The following MARCHF1 variants were observed in gnomAD, a reference collection of about 807,000 sequenced individuals.
MARCHF1 encodes membrane associated ring-CH-type finger 1.
MARCHF1 carries 40 observed loss-of-function variants against 54.2 expected under a neutral mutation model. That is an observed-to-expected ratio of 0.74 (90% CI 0.57 to 0.96). MARCHF1 has a LOEUF of 0.96. Among genes scored for constraint, MARCHF1 ranks in the 40% least tolerant of loss-of-function variants. The probability of loss-of-function intolerance (pLI) is 0.00; values close to 1 mark genes in which losing one functional copy is unlikely to be tolerated. For synonymous variants in MARCHF1, 236 were observed against 236.3 expected, an observed-to-expected ratio of 1.00 and a Z score of 0.01; for missense variants, 586 against 656.5, an observed-to-expected ratio of 0.89 and a Z score of 1.17.
chr4:163,904,520 G>A (rs966290072), intron 3 of MARCHF1, among the ~76,000 whole-genome samples: 1 of 152,176 alleles, frequency 6.6e-6, no homozygotes, highest in Non-Finnish European at 1.5e-5. Flanking sequence ...CAGCCATCAG[G>A]AAGGTCTAAC....
At chr4:164,086,328 A>G (rs1755191143) in intron 2 of MARCHF1, among the ~76,000 whole-genome samples, 1 of 151,888 alleles carries the variant, frequency 6.6e-6, no homozygotes, top group South Asian at 2.1e-4. Flanking sequence ...TTATCATTAG[A>G]AAAAAACTGT....
chr4:163,535,414 A>T (rs1430610791), intron 9 of MARCHF1, among the ~76,000 whole-genome samples: 1 of 152,046 alleles, frequency 6.6e-6, no homozygotes, highest in Non-Finnish European at 1.5e-5. Flanking sequence ...GCCAAAGGTG[A>T]GCTTATTACC....
intron 4 of MARCHF1, among the ~76,000 whole-genome samples, chr4:163,739,198 T>C (rs1746128121): frequency 6.6e-6 from 1 of 152,188 alleles, no homozygotes; most frequent in Non-Finnish European, 1.5e-5. Context: ...ACAACCTTTA[T>C]CAACACATTG....
At chr4:164,316,237 C>T (rs1734993564) in intron 1 of MARCHF1, among the ~76,000 whole-genome samples, 1 of 152,100 alleles carries the variant, frequency 6.6e-6, no homozygotes. Context: ...ACCTTCCAAA[C>T]CTAGCATGAC....
intron 3 of MARCHF1, among the ~76,000 whole-genome samples, chr4:163,915,606 T>C (rs1430457083): frequency 6.6e-6 from 1 of 152,190 alleles, no homozygotes; most frequent in Non-Finnish European, 1.5e-5. Context: ...AAATATATCA[T>C]ATTAACATTA....
intron 1 of MARCHF1, among the ~76,000 whole-genome samples, chr4:164,168,419 C>T (rs924276278): frequency 1.3e-5 from 2 of 151,992 alleles, no homozygotes; most frequent in Non-Finnish European, 2.9e-5. Context: ...GATGCAATCA[C>T]CACCTTGTAA....
intron 1 of MARCHF1, among the ~76,000 whole-genome samples, chr4:164,182,828 T>G (rs1215814376): frequency 6.6e-6 from 1 of 152,066 alleles, no homozygotes; most frequent in Non-Finnish European, 1.5e-5. Flanking sequence ...TCTGAAAATT[T>G]AAGTTCACAT....
intron 5 of MARCHF1, among the ~76,000 whole-genome samples, chr4:163,648,353 A>T (rs567589740): frequency 1.3e-5 from 2 of 152,058 alleles, no homozygotes; most frequent in South Asian, 2.1e-4. Flanking sequence ...CTAATTTTGG[A>T]CATGTACAGA....
intron 2 of MARCHF1, among the ~76,000 whole-genome samples, chr4:163,991,311 G>T (rs925826128): frequency 2.0e-5 from 3 of 152,056 alleles, no homozygotes; most frequent in Non-Finnish European, 1.5e-5. Flanking sequence ...TTTTCCAACT[G>T]TATCAGGGGA....
At chr4:164,244,337 C>A (rs1443147812) in intron 1 of MARCHF1, among the ~76,000 whole-genome samples, 2 of 152,262 alleles carry the variant, frequency 1.3e-5, no homozygotes, top group South Asian at 2.1e-4. Context: ...GGAAACTGAA[C>A]AACCTGCTCC....
intron 7 of MARCHF1, among the ~76,000 whole-genome samples, chr4:163,596,255 T>C (rs1370998855): frequency 1.3e-5 from 2 of 152,082 alleles, no homozygotes; most frequent in Admixed American, 6.6e-5. Context: ...AAGAGTCATC[T>C]ATTGGCTGGG....
At chr4:164,162,396 A>G (rs1404808114) in intron 1 of MARCHF1, among the ~76,000 whole-genome samples, 1 of 152,148 alleles carries the variant, frequency 6.6e-6, no homozygotes, top group South Asian at 2.1e-4. Context: ...GCCTAGGAAG[A>G]ATAGGAAAGG....
intron 2 of MARCHF1, among the ~76,000 whole-genome samples, chr4:164,007,202 C>T (rs182077491): frequency 3.7e-4 from 56 of 149,580 alleles, no homozygotes; most frequent in African/African-American, 1.2e-3. Context: ...AAAAATTAGC[C>T]GGGCGTGGTG....
intron 3 of MARCHF1, among the ~76,000 whole-genome samples, chr4:163,881,106 A>T (rs747689286): frequency 1.2e-4 from 19 of 152,380 alleles, no homozygotes; most frequent in Middle Eastern, 3.4e-3. Context: ...AGCTTCATCC[A>T]TTCATGATCT....
intron 1 of MARCHF1, among the ~76,000 whole-genome samples, chr4:164,191,407 C>T (rs547001463): frequency 2.0e-5 from 3 of 152,254 alleles, no homozygotes; most frequent in East Asian, 3.9e-4. Flanking sequence ...TGTGTCATCA[C>T]GCATTGTTAT....
chr4:163,758,738 A>G (rs758873815), intron 4 of MARCHF1, among the ~76,000 whole-genome samples: 3 of 152,192 alleles, frequency 2.0e-5, no homozygotes, highest in Non-Finnish European at 2.9e-5. Context: ...AGATACACTG[A>G]ATAACGTGGG....
chr4:164,301,760 G>T (rs901470883), intron 1 of MARCHF1, among the ~76,000 whole-genome samples: 1 of 152,174 alleles, frequency 6.6e-6, no homozygotes, highest in South Asian at 2.1e-4. Flanking sequence ...ACAGCAAATG[G>T]AATAAGAGTG....
chr4:163,970,993 C>A (rs965199664), intron 3 of MARCHF1, among the ~76,000 whole-genome samples: 3 of 152,178 alleles, frequency 2.0e-5, no homozygotes, highest in Admixed American at 6.5e-5. Context: ...ACATTACAGA[C>A]TACAGTGAGA....
At chr4:164,077,496 A>T (rs986619702) in intron 2 of MARCHF1, among the ~76,000 whole-genome samples, 1 of 152,204 alleles carries the variant, frequency 6.6e-6, no homozygotes, top group African/African-American at 2.4e-5. Context: ...TAAAACAACA[A>T]AAGCAATGGC....
Sources: gnomAD v4.1 joint callset for allele counts (sites outside exome capture counted in the v4.1 genomes callset) on GRCh38, gnomAD v4.1.1 for gene constraint, MANE v1.5 for transcripts, NCBI Gene and HGNC (gene_info 2026-07-23, HGNC 2026-07-21) for gene names.